Variants in DEF6 observed in about 807,000 individuals in gnomAD.
DEF6 encodes differentially expressed in FDCP 6 homolog.
Under a neutral mutation model 80.5 loss-of-function variants are expected in DEF6, and 32 were observed. The ratio of observed to expected loss-of-function variants is 0.40; its 90% CI spans 0.30 to 0.53. DEF6 has a LOEUF of 0.53. Among genes scored for constraint, DEF6 ranks in the 20% least tolerant of loss-of-function variants. The pLI is 0.57. For missense variants in DEF6, 575 were observed against 818.7 expected (o/e 0.70, Z 3.63); for synonymous variants, 300 against 337.9 (o/e 0.89, Z 1.23).
chr6:35,319,432 A>G lies in DEF6; in HGVS notation c.1216-92A>G. 1.1e-6 allele frequency: 1 copy of G among 932,312 alleles called. No homozygotes were observed. The highest frequency in any genetic ancestry group is 1.6e-5 in the South Asian group (1 of 61,060). The allele number at this position is 932,312 out of a possible 1,614,324, so 57.8% of individuals were successfully genotyped here. On this transcript the variant is annotated intron_variant, in intron 7 of 10. Coordinates refer to ENST00000316637, the MANE Select transcript of DEF6 (RefSeq NM_022047.4). The surrounding 1 kb of genome is among the most constrained non-coding windows in gnomAD (Gnocchi z 4.5). ...AGGAGTTCCCCAGACCCTCACCCCTAGGCAGCTTAGCAACATGCCCACCCC... is the reference window on the plus strand; with the variant it reads ...AGGAGTTCCCCAGACCCTCACCCCTGGGCAGCTTAGCAACATGCCCACCCC...
At chr6:35,313,458 G>A in intron 5 of DEF6, 1 of 323,350 alleles carries the variant, frequency 3.1e-6, no homozygotes, top group South Asian at 2.4e-5. Flanking sequence ...ATTTCTTTAT[G>A]CTAGAAACAT....
Position 35,321,547 on chromosome 6 carries a change from A to C in DEF6, c.*137A>C. ...AGGGGCCCAGGCCCTCCAACCATAAACAGTCCAGGATGGAACCTGGTTCAC... is the reference window on the plus strand; with the variant it reads ...AGGGGCCCAGGCCCTCCAACCATAACCAGTCCAGGATGGAACCTGGTTCAC... On this transcript the variant is annotated 3_prime_UTR_variant, in exon 11 of 11. Transcript: ENST00000316637. 2 of 736,190 alleles carry C rather than the reference A, an allele frequency of 2.7e-6. No individual in the cohort carries two copies. The highest frequency in any genetic ancestry group is 1.9e-5 in the South Asian group (1 of 53,662). 45.6% of individuals were successfully genotyped at this position (736,190 alleles called of 1,614,324 possible). A position where few individuals can be genotyped will look rare whatever the true frequency, so the allele number is the denominator to read the frequency against.
intron 1 of DEF6, among the ~76,000 whole-genome samples, chr6:35,306,592 C>G (rs1216595898): frequency 2.0e-5 from 3 of 151,926 alleles, no homozygotes; most frequent in Non-Finnish European, 2.9e-5. Context: ...CTTCTAGATT[C>G]TTTCTGTATA....
chr6:35,320,792 C>T (rs1791581522), intron 9 of DEF6, 92 bp from the exon 10 acceptor site: 1 of 1,124,408 alleles, frequency 8.9e-7, no homozygotes, highest in East Asian at 2.6e-5. Context: ...TAGTCTTGGT[C>T]AGATTTTAAG....
chr6:35,303,515 C>G (rs1050341158), intron 1 of DEF6, among the ~76,000 whole-genome samples: 10 of 152,058 alleles, frequency 6.6e-5, no homozygotes, highest in Non-Finnish European at 7.4e-5. Context: ...TGCCAGGCCC[C>G]GTGATACCAC....
chr6:35,321,157 C>G, intron 10 of DEF6, 30 bp from the exon 11 acceptor site: 1 of 1,607,878 alleles, frequency 6.2e-7, no homozygotes, highest in Non-Finnish European at 8.5e-7. Context: ...GCATGCCTTT[C>G]TCCTTACTTG....
chr6:35,318,111 TC>T lies in DEF6; in HGVS notation c.917-60del. 6.5e-7 allele frequency: 1 copy of T among 1,536,234 alleles called. No homozygotes were observed. Among genetic ancestry groups the T allele is most frequent in the Non-Finnish European group, 8.8e-7 (1 of 1,142,140 alleles). ...AGGTTGGAGAGTGGACTCGGGAAACTCCTAAGGCCCCTTTCGGGCCGTGTGC... is the reference window on the plus strand; with the variant it reads ...AGGTTGGAGAGTGGACTCGGGAAACTCTAAGGCCCCTTTCGGGCCGTGTGC... On this transcript the variant is annotated intron_variant, in intron 6 of 10. Transcript: ENST00000316637. This position sits in a 1 kb window ranked among gnomAD's most constrained non-coding sequence, Gnocchi z 5.1.
intron 1 of DEF6, 144 bp from the exon 2 acceptor site, chr6:35,309,526 G>A: frequency 1.1e-6 from 1 of 891,714 alleles, no homozygotes; most frequent in Non-Finnish European, 1.7e-6. Flanking sequence ...TAGTATATAA[G>A]TTTTAGTTAT....
In DEF6 at chr6:35,300,932, C is replaced by G. The variant is rs571086552; in HGVS notation, c.96+2980C>G. ...TTTGGCCTCCTTCCCCACTGACTATCAGGCAGTGGGGTGAAGGGGTATGTA... is the reference window on the plus strand; with the variant it reads ...TTTGGCCTCCTTCCCCACTGACTATGAGGCAGTGGGGTGAAGGGGTATGTA... On this transcript the variant is annotated intron_variant, in intron 1 of 10. Coordinates refer to ENST00000316637, the MANE Select transcript of DEF6 (RefSeq NM_022047.4). 9.0e-4 allele frequency among the ~76,000 whole-genome samples: 137 copies of G among 152,276 alleles called. 1 individual carries two copies. Among genetic ancestry groups the G allele is most frequent in the African/African-American group, 3.1e-3 (130 of 41,560 alleles).
intron 1 of DEF6, among the ~76,000 whole-genome samples, chr6:35,301,456 A>G (rs1183012182): frequency 3.3e-5 from 5 of 152,180 alleles, no homozygotes; most frequent in Admixed American, 3.3e-4. Context: ...GGGGTTGATC[A>G]CCAAGCTGTC....
chr6:35,300,169 A>C (rs1343675432), intron 1 of DEF6, among the ~76,000 whole-genome samples: 1 of 152,122 alleles, frequency 6.6e-6, no homozygotes. Flanking sequence ...CTACAGGCAC[A>C]TGCCACCACG....
rs1791542286 is a variant in DEF6, at chr6:35,318,009, C to T, written c.916+10C>T. 6.2e-7 allele frequency: 1 copy of T among 1,609,154 alleles called. No homozygotes were observed. On this transcript the variant is annotated intron_variant, in intron 6 of 10. Coordinates refer to ENST00000316637, the MANE Select transcript of DEF6 (RefSeq NM_022047.4). The surrounding 1 kb of genome is among the most constrained non-coding windows in gnomAD (Gnocchi z 5.1). Reference sequence around the variant, plus strand: ...CAGGAGTGGACAGCTGGTGAGTGCTCGCTAGGTGGCTTGGGTCTGGGTGGT... The same window carrying T: ...CAGGAGTGGACAGCTGGTGAGTGCTTGCTAGGTGGCTTGGGTCTGGGTGGT...
chr6:35,302,331 C>T (rs959231568), intron 1 of DEF6, among the ~76,000 whole-genome samples: 1 of 151,994 alleles, frequency 6.6e-6, no homozygotes, highest in African/African-American at 2.4e-5. Context: ...TGCATTCCAG[C>T]CTGGGCAATA....
At chr6:35,304,447 T>C (rs2150385312) in intron 1 of DEF6, among the ~76,000 whole-genome samples, 1 of 152,322 alleles carries the variant, frequency 6.6e-6, no homozygotes, top group Non-Finnish European at 1.5e-5. Flanking sequence ...GAGAGAAATA[T>C]TCCAGGCTGC....
At position 35,312,045 on chromosome 6, in the gene DEF6, C is replaced by T. The variant is rs1290301963; in HGVS notation, c.424-257C>T. ...TGGACCCCAGATCTCAGGTCCCCTT[C>T]ACCTTGCCCTTAAGACAGGAAGGAG... is the stretch of plus-strand genomic sequence containing the variant. On this transcript the variant is annotated intron_variant, in intron 3 of 10. Transcript: ENST00000316637. The surrounding 1 kb of genome is among the most constrained non-coding windows in gnomAD (Gnocchi z 6.6). 6.6e-6 allele frequency among the ~76,000 whole-genome samples: 1 copy of T among 152,222 alleles called. No individual in the cohort carries two copies. Among genetic ancestry groups the T allele is most frequent in the East Asian group, 1.9e-4 (1 of 5,196 alleles).
At position 35,312,359 on chromosome 6, in the gene DEF6, G is replaced by A; in HGVS notation, c.481G>A (p.Glu161Lys). The A allele has an allele frequency of 6.2e-7, 1 of 1,614,174 alleles. No homozygotes were observed. Among genetic ancestry groups the A allele is most frequent in the Non-Finnish European group, 8.5e-7 (1 of 1,180,016 alleles). Reference sequence around the variant, plus strand: ...CATGAGCTTGGAGGTGAGCTTGGGTGAGCTGGAGGAGCTTCTGGCCCAGGA... The same window carrying A: ...CATGAGCTTGGAGGTGAGCTTGGGTAAGCTGGAGGAGCTTCTGGCCCAGGA... ...SSMSLEVSLG[E>K]LEELLAQEAQ... Residue 161 changes from glutamate (E) to lysine (K), a missense_variant, in exon 4 of 11, where the codon GAG becomes AAG. By Grantham distance (56) the Glu-to-Lys change is moderately conservative. Transcript: ENST00000316637. The surrounding 1 kb of genome is among the most constrained non-coding windows in gnomAD (Gnocchi z 6.6).
rs1486017452 is a variant in DEF6 at position 35,317,906 on chromosome 6, G to A, written c.823G>A (p.Asp275Asn). 1 of 1,613,698 alleles carries A rather than the reference G, an allele frequency of 6.2e-7. No individual in the cohort carries two copies. The highest frequency in any genetic ancestry group is 1.1e-5 in the South Asian group (1 of 91,030). Residue 275 changes from aspartate (D) to asparagine (N), a missense_variant, in exon 6 of 11, where the codon GAC becomes AAC. Asp to Asn is a conservative substitution (Grantham distance 23). Coordinates refer to ENST00000316637, the MANE Select transcript of DEF6 (RefSeq NM_022047.4). ...HCCVEVLPDR[D>N]GKRCMFCVKT... ...CCTGTGCCAGGTGCTGCCAGACCGC[G>A]ACGGAAAGCGCTGCATGTTCTGTGT...
intron 1 of DEF6, among the ~76,000 whole-genome samples, chr6:35,305,324 CA>C (rs955882272): frequency 4.0e-5 from 6 of 149,984 alleles, no homozygotes; most frequent in Non-Finnish European, 5.9e-5. Context: ...TTTGGTATTA[CA>C]AAAAAATTTT....
chr6:35,310,705 G>A lies in DEF6; in HGVS notation c.423+61G>A, dbSNP rs9469988. 5.6e-4 allele frequency: 882 copies of A among 1,581,468 alleles called. 6 individuals are homozygous for A. The African/African-American group carries it at 9.2e-3, about 16-fold the overall frequency. On this transcript the variant is annotated intron_variant, in intron 3 of 10. Coordinates refer to ENST00000316637, the MANE Select transcript of DEF6 (RefSeq NM_022047.4). ...TGGGACCAGACCTAAGCAAAACCATGAATGAGACCAAACCACCTTTGGTGC... is the reference window on the plus strand; with the variant it reads ...TGGGACCAGACCTAAGCAAAACCATAAATGAGACCAAACCACCTTTGGTGC...
Sources: allele counts gnomAD v4.1 joint callset (sites outside exome capture counted in the v4.1 genomes callset), GRCh38; gene constraint gnomAD v4.1.1; non-coding constraint Gnocchi (gnomAD v3.1); transcripts MANE v1.5; gene names NCBI Gene and HGNC (gene_info 2026-07-23, HGNC 2026-07-21).